The following SCHIP1 variants were observed in gnomAD, a reference collection of about 807,000 sequenced individuals.
SCHIP1 encodes schwannomin-interacting protein 1.
Under a neutral mutation model 29.7 loss-of-function variants are expected in SCHIP1, and 8 were observed. That is an observed-to-expected ratio of 0.27 (90% confidence interval 0.16 to 0.49). The LOEUF is 0.49. SCHIP1 is among the 20% of genes least tolerant of loss of function. The pLI is 0.99. For synonymous variants in SCHIP1, 76 were observed against 94.9 expected (o/e 0.80, Z 1.16); for missense variants, 193 against 294.6 (o/e 0.66, Z 2.52).
the SCHIP1 span, among the ~76,000 whole-genome samples, chr3:159,511,971 C>T: frequency 6.6e-6 from 1 of 152,012 alleles, no homozygotes; most frequent in Non-Finnish European, 1.5e-5. Context: ...ATAACACAAA[C>T]TCAAAGGAAA....
chr3:159,449,156 T>C, the SCHIP1 span, among the ~76,000 whole-genome samples: 1 of 152,218 alleles, frequency 6.6e-6, no homozygotes, highest in African/African-American at 2.4e-5. Context: ...CCTGATGTCC[T>C]TCTGCCTTGC....
chr3:159,769,475 C>A, the SCHIP1 span, among the ~76,000 whole-genome samples: 1 of 152,204 alleles, frequency 6.6e-6, no homozygotes, highest in Non-Finnish European at 1.5e-5. Context: ...ATTGGCCAGG[C>A]ATGGTGGCTC....
chr3:159,304,835 C>T, the SCHIP1 span, among the ~76,000 whole-genome samples: 479 of 152,222 alleles, frequency 3.1e-3, 6 homozygotes, highest in African/African-American at 0.01. Context: ...GAGGACTTAG[C>T]ATTAAATAAC....
intron 1 of SCHIP1, among the ~76,000 whole-genome samples, chr3:159,854,266 CA>C (rs1192941076): frequency 6.6e-6 from 1 of 152,122 alleles, no homozygotes; most frequent in East Asian, 1.9e-4. Flanking sequence ...TTAATTTGAT[CA>C]AATACATCAC....
chr3:159,828,453 GTA>G, the SCHIP1 span, among the ~76,000 whole-genome samples: 52 of 100,668 alleles, frequency 5.2e-4, 2 homozygotes, highest in African/African-American at 1.9e-3. Context: ...ATATATATAC[GTA>G]TATATATGTA....
chr3:159,362,254 A>T, the SCHIP1 span, among the ~76,000 whole-genome samples: 2 of 152,188 alleles, frequency 1.3e-5, no homozygotes, highest in African/African-American at 4.8e-5. Flanking sequence ...CAAATGGTGA[A>T]TGTAAGGTAA....
At chr3:159,374,598 T>C in the SCHIP1 span, among the ~76,000 whole-genome samples, 1 of 152,188 alleles carries the variant, frequency 6.6e-6, no homozygotes, top group African/African-American at 2.4e-5. Context: ...CACCAAAAAT[T>C]ATTAAGAATT....
chr3:159,383,998 G>A, the SCHIP1 span, among the ~76,000 whole-genome samples: 3 of 151,204 alleles, frequency 2.0e-5, no homozygotes, highest in Admixed American at 6.6e-5. Flanking sequence ...TCAGCTTAAG[G>A]AGATTTTGGG....
chr3:159,529,114 T>C, the SCHIP1 span, among the ~76,000 whole-genome samples: 20 of 152,148 alleles, frequency 1.3e-4, no homozygotes, highest in Non-Finnish European at 2.4e-4. Flanking sequence ...ATTTCTGCAG[T>C]TATTTTAGAG....
the SCHIP1 span, among the ~76,000 whole-genome samples, chr3:159,573,762 T>C: frequency 5.9e-5 from 9 of 152,342 alleles, no homozygotes; most frequent in South Asian, 1.2e-3. Context: ...AATGTAGATT[T>C]GGTCTTTTCA....
the SCHIP1 span, among the ~76,000 whole-genome samples, chr3:159,279,406 C>T: frequency 6.6e-6 from 1 of 152,166 alleles, no homozygotes; most frequent in Non-Finnish European, 1.5e-5. Flanking sequence ...ATTACCCAGT[C>T]TCGGATATTT....
the SCHIP1 span, among the ~76,000 whole-genome samples, chr3:159,320,872 G>T: frequency 6.6e-6 from 1 of 151,460 alleles, no homozygotes; most frequent in South Asian, 2.1e-4. Flanking sequence ...AAAAAAGGTG[G>T]TATCATCTTC....
chr3:159,645,058 T>G, the SCHIP1 span, among the ~76,000 whole-genome samples: 2 of 152,128 alleles, frequency 1.3e-5, no homozygotes, highest in South Asian at 4.1e-4. Context: ...ACCAAACACA[T>G]ACAAACAAGT....
the SCHIP1 span, among the ~76,000 whole-genome samples, chr3:159,770,604 A>T: frequency 6.6e-6 from 1 of 152,180 alleles, no homozygotes; most frequent in Non-Finnish European, 1.5e-5. Context: ...TAGAAATAAG[A>T]ACGGCTTGAT....
At chr3:159,522,395 G>A in the SCHIP1 span, among the ~76,000 whole-genome samples, 1 of 152,176 alleles carries the variant, frequency 6.6e-6, no homozygotes, top group Non-Finnish European at 1.5e-5. Context: ...CCTATATAAA[G>A]TGATTTACAT....
At chr3:159,709,656 T>C in the SCHIP1 span, among the ~76,000 whole-genome samples, 1 of 152,210 alleles carries the variant, frequency 6.6e-6, no homozygotes, top group Non-Finnish European at 1.5e-5. Context: ...ACCATATCTT[T>C]AGAATATTTG....
chr3:159,420,428 C>T, the SCHIP1 span, among the ~76,000 whole-genome samples: 1 of 152,094 alleles, frequency 6.6e-6, no homozygotes, highest in Non-Finnish European at 1.5e-5. Context: ...TCAGGTTCAC[C>T]AGGTGAAGGG....
the SCHIP1 span, among the ~76,000 whole-genome samples, chr3:159,431,987 C>G: frequency 1.4e-4 from 2 of 13,980 alleles, no homozygotes; most frequent in South Asian, 2.5e-3. Context: ...ACAAATGATT[C>G]TAAAAGCAGT....
chr3:159,405,327 T>G, the SCHIP1 span, among the ~76,000 whole-genome samples: 2 of 152,306 alleles, frequency 1.3e-5, no homozygotes, highest in African/African-American at 2.4e-5. Context: ...CCTGGAGAGA[T>G]AGAGATTTGC....
Sources: gnomAD v4.1 joint callset for allele counts (sites outside exome capture counted in the v4.1 genomes callset) on GRCh38, gnomAD v4.1.1 for gene constraint, MANE v1.5 for transcripts, NCBI Gene and HGNC (gene_info 2026-07-23, HGNC 2026-07-21) for gene names.